Variants in LOC400499 observed in about 807,000 individuals in gnomAD.
the LOC400499 span, among the ~76,000 whole-genome samples, chr16:11,489,840 C>T: frequency 1.3e-5 from 2 of 152,332 alleles, no homozygotes; most frequent in East Asian, 3.9e-4. Flanking sequence ...TTTAAATGTA[C>T]ACACCCTTTA....
chr16:11,433,469 T>A, the LOC400499 span, among the ~76,000 whole-genome samples: 1 of 152,214 alleles, frequency 6.6e-6, no homozygotes, highest in Non-Finnish European at 1.5e-5. Flanking sequence ...AATACCAGCA[T>A]AATATTGTGA....
the LOC400499 span, among the ~76,000 whole-genome samples, chr16:11,414,003 G>A: frequency 1.9e-3 from 292 of 152,188 alleles, no homozygotes; most frequent in African/African-American, 6.5e-3. Flanking sequence ...ACTGACGAAC[G>A]CCCATAAACC....
the LOC400499 span, among the ~76,000 whole-genome samples, chr16:11,492,649 G>A: frequency 1.3e-5 from 2 of 152,066 alleles, no homozygotes; most frequent in African/African-American, 4.8e-5. Flanking sequence ...GCCGGGCGTG[G>A]TGGCGGGCAC....
At chr16:11,490,599 G>C in the LOC400499 span, among the ~76,000 whole-genome samples, 1 of 152,104 alleles carries the variant, frequency 6.6e-6, no homozygotes, top group African/African-American at 2.4e-5. Context: ...TACTTGGGAG[G>C]CTGAGGAAGG....
At chr16:11,488,763 A>G in the LOC400499 span, 1 of 398,358 alleles carries the variant, frequency 2.5e-6, no homozygotes, top group Non-Finnish European at 4.4e-6. Flanking sequence ...TCTGGGTGGA[A>G]CTCCTGGCTG....
the LOC400499 span, chr16:11,439,611 G>A: frequency 7.5e-6 from 3 of 399,060 alleles, no homozygotes; most frequent in South Asian, 3.8e-4. Flanking sequence ...AGAGGGGTCA[G>A]AGGGAACAGA....
At chr16:11,430,345 C>T in the LOC400499 span, among the ~76,000 whole-genome samples, 2 of 152,034 alleles carry the variant, frequency 1.3e-5, no homozygotes, top group Non-Finnish European at 2.9e-5. Context: ...AAAAAATTAG[C>T]CAGGTGTGAT....
At chr16:11,385,977 G>T in the LOC400499 span, among the ~76,000 whole-genome samples, 1 of 152,148 alleles carries the variant, frequency 6.6e-6, no homozygotes, top group Non-Finnish European at 1.5e-5. Flanking sequence ...TCAAAGCTAT[G>T]GTGAGCTGAG....
At chr16:11,460,755 G>T in the LOC400499 span, 1 of 1,301,530 alleles carries the variant, frequency 7.7e-7, no homozygotes, top group Non-Finnish European at 1.0e-6. Context: ...AGAACCTGTC[G>T]ATGGGGAGGT....
At chr16:11,457,510 G>A in the LOC400499 span, among the ~76,000 whole-genome samples, 1 of 150,376 alleles carries the variant, frequency 6.6e-6, no homozygotes, top group Non-Finnish European at 1.5e-5. Context: ...GGAGAATGGT[G>A]TGAATTCAGG....
chr16:11,410,314 C>T, the LOC400499 span, among the ~76,000 whole-genome samples: 12 of 152,160 alleles, frequency 7.9e-5, no homozygotes, highest in Non-Finnish European at 1.6e-4. Context: ...ATTAGCCAGG[C>T]GTGGTGGCGC....
At chr16:11,404,232 T>C in the LOC400499 span, among the ~76,000 whole-genome samples, 1 of 152,302 alleles carries the variant, frequency 6.6e-6, no homozygotes, top group African/African-American at 2.4e-5. Flanking sequence ...TGCTTGACGT[T>C]ATTTTGCTTA....
chr16:11,409,591 C>T, the LOC400499 span, among the ~76,000 whole-genome samples: 2 of 152,162 alleles, frequency 1.3e-5, no homozygotes, highest in Non-Finnish European at 2.9e-5. Flanking sequence ...ACGAATGCTG[C>T]GTGATCTTGG....
chr16:11,508,332 G>A, the LOC400499 span, among the ~76,000 whole-genome samples: 1 of 152,230 alleles, frequency 6.6e-6, no homozygotes, highest in African/African-American at 2.4e-5. Context: ...AAACAGCCAG[G>A]AGTTTCGGAG....
the LOC400499 span, among the ~76,000 whole-genome samples, chr16:11,388,118 G>A: frequency 6.6e-6 from 1 of 152,126 alleles, no homozygotes; most frequent in Non-Finnish European, 1.5e-5. Context: ...GGCCTCACTT[G>A]CTTACTTCTA....
chr16:11,525,973 C>T, the LOC400499 span, among the ~76,000 whole-genome samples: 1 of 152,154 alleles, frequency 6.6e-6, no homozygotes, highest in Admixed American at 6.6e-5. Flanking sequence ...TGAGTGTCAT[C>T]TCTAGCCAGC....
At chr16:11,411,428 T>C in the LOC400499 span, 1 of 396,430 alleles carries the variant, frequency 2.5e-6, no homozygotes, top group East Asian at 3.6e-5. Flanking sequence ...CGAGAGAGAG[T>C]CAGAGAGCCA....
the LOC400499 span, among the ~76,000 whole-genome samples, chr16:11,411,841 G>T: frequency 1.5e-5 from 2 of 131,430 alleles, no homozygotes; most frequent in South Asian, 5.0e-4. Flanking sequence ...CAATCTCCAC[G>T]TTTTTCTCTT....
the LOC400499 span, among the ~76,000 whole-genome samples, chr16:11,428,154 A>C: frequency 6.6e-6 from 1 of 152,060 alleles, no homozygotes; most frequent in East Asian, 1.9e-4. Context: ...CTAGGGGTGG[A>C]TTATTCATGC....
Sources: gnomAD v4.1 joint callset for allele counts (sites outside exome capture counted in the v4.1 genomes callset) on GRCh38, gnomAD v4.1.1 for gene constraint, MANE v1.5 for transcripts.